FSHR: variants seen among roughly 807,000 people sequenced by gnomAD.
FSHR encodes the protein follicle stimulating hormone receptor, also known as follicle-stimulating hormone receptor.
FSHR carries 46 observed loss-of-function variants against 52.1 expected under a neutral mutation model. The ratio of observed to expected loss-of-function variants is 0.88; its 90% CI spans 0.70 to 1.13. The LOEUF is 1.13. Ranked by LOEUF, FSHR falls within the 50% of genes most tolerant of loss-of-function variation. The probability of loss-of-function intolerance (pLI) is 0.00; values close to 1 mark genes in which losing one functional copy is unlikely to be tolerated. For missense variants in FSHR, 964 were observed against 834.6 expected, an observed-to-expected ratio of 1.16 and a Z score of -1.91; for synonymous variants, 399 against 309.6, an observed-to-expected ratio of 1.29 and a Z score of -3.03.
In FSHR at chr2:48,962,636, T is replaced by C. The variant is rs1444545938; in HGVS notation, c.*97A>G. The stretch of plus-strand genomic sequence containing the variant: ...GGTATGCCAGGAATATTAAATTAGA[T>C]GAAATGTGTAGAAGCACTGTCAGCT... On this transcript the variant is annotated 3_prime_UTR_variant, in exon 10 of 10. Coordinates refer to ENST00000406846, the MANE Select transcript of FSHR (RefSeq NM_000145.4). 1.6e-6 allele frequency: 2 copies of C among 1,239,766 alleles called. No individual in the cohort carries two copies. Among genetic ancestry groups the C allele is most frequent in the East Asian group, 2.4e-5 (1 of 42,466 alleles). The allele number at this position is 1,239,766 out of a possible 1,614,324, so 76.8% of individuals were successfully genotyped here. A position where few individuals can be genotyped will look rare whatever the true frequency, so the allele number is the denominator to read the frequency against.
chr2:49,140,063 T>C (rs936464209), intron 1 of FSHR, among the ~76,000 whole-genome samples: 4 of 152,116 alleles, frequency 2.6e-5, no homozygotes, highest in African/African-American at 9.7e-5. Flanking sequence ...TAGGGAACTA[T>C]GGATTTGTTA....
intron 4 of FSHR, among the ~76,000 whole-genome samples, 176 bp downstream of exon 4, chr2:49,017,313 G>C (rs1005637230): frequency 6.6e-6 from 1 of 152,106 alleles, no homozygotes; most frequent in African/African-American, 2.4e-5. Flanking sequence ...TATGTTAGTA[G>C]AATTTGCTCA....
intron 2 of FSHR, among the ~76,000 whole-genome samples, chr2:49,041,888 T>C (rs1037519473): frequency 6.6e-6 from 1 of 152,086 alleles, no homozygotes; most frequent in Non-Finnish European, 1.5e-5. Context: ...GGCTCATGCC[T>C]TTTATCTTAG....
chr2:49,055,298 T>C (rs1416188504), intron 2 of FSHR, among the ~76,000 whole-genome samples: 4 of 151,184 alleles, frequency 2.6e-5, no homozygotes, highest in South Asian at 4.2e-4. Context: ...AAAAAATACC[T>C]GAACTTGAAG....
In FSHR at chr2:49,017,568, A is replaced by G; in HGVS notation, c.300-5T>C. 6.2e-7 allele frequency: 1 copy of G among 1,607,316 alleles called. No homozygotes were observed. The highest frequency in any genetic ancestry group is 8.5e-7 in the Non-Finnish European group (1 of 1,174,116). On this transcript the variant is annotated splice_region_variant and splice_polypyrimidine_tract_variant and intron_variant, in intron 3 of 9. Transcript: ENST00000406846. ...TTGTTGGCCTTTTCAATTCTACTGTAAAAGAAGAAAAAACATGCTAGTGAT... is the reference window on the plus strand; with the variant it reads ...TTGTTGGCCTTTTCAATTCTACTGTGAAAGAAGAAAAAACATGCTAGTGAT...
intron 2 of FSHR, among the ~76,000 whole-genome samples, chr2:49,023,803 G>A (rs1254876605): frequency 6.6e-6 from 1 of 152,156 alleles, no homozygotes; most frequent in Non-Finnish European, 1.5e-5. Flanking sequence ...CTGTACATGA[G>A]ATTCCATGTT....
At chr2:49,084,133 G>A (rs962720430) in intron 1 of FSHR, among the ~76,000 whole-genome samples, 9 of 152,056 alleles carry the variant, frequency 5.9e-5, no homozygotes, top group African/African-American at 1.7e-4. Context: ...AACAGAAATT[G>A]TAACAAACTA....
In FSHR at chr2:48,975,043, C is replaced by CT. The variant is rs1674925177; in HGVS notation, c.669-6161_669-6160insA. On this transcript the variant is annotated intron_variant, in intron 8 of 9. Coordinates refer to ENST00000406846, the MANE Select transcript of FSHR (RefSeq NM_000145.4). ...AGTTATTCACATCTTCATGGGAGTA[C>CT]ATTATTGTGACCACGATAGTTAATT... Among the ~76,000 whole-genome samples the CT allele has an allele frequency of 2.6e-5, 4 of 152,168 alleles. No homozygotes were observed. The East Asian group carries it at 7.7e-4, about 29-fold the overall frequency.
Position 48,978,149 on chromosome 2 carries a change from G to C in FSHR, c.668+4763C>G, listed in dbSNP as rs967394656. Among the ~76,000 whole-genome samples, 7 of 152,172 alleles carry C rather than the reference G, an allele frequency of 4.6e-5. No individual in the cohort carries two copies. In the East Asian group the frequency reaches 1.3e-3, roughly 29 times the overall value. On this transcript the variant is annotated intron_variant, in intron 8 of 9. Coordinates refer to ENST00000406846, the MANE Select transcript of FSHR (RefSeq NM_000145.4). ...CAGAGTAGCAAGAGAGACTGCATGG[G>C]TAGGAGGGTAGTAAGAGGCTGAGGC...
In FSHR at chr2:49,084,232, C is replaced by T. The variant is rs184524490; in HGVS notation, c.153-15942G>A. ...AACTACATGGAAACTGAACAACCTG[C>T]CCCTGAATGACTACTGGGTACATAA... On this transcript the variant is annotated intron_variant, in intron 1 of 9. Transcript: ENST00000406846. Among the ~76,000 whole-genome samples, 275 of 141,582 alleles carry T rather than the reference C, an allele frequency of 1.9e-3. 1 individual carries two copies. Among genetic ancestry groups the T allele is most frequent in the Middle Eastern group, 0.01 (3 of 286 alleles). The allele number at this position is 141,582 out of a possible 152,430, so 92.9% of individuals were successfully genotyped here.
chr2:48,974,949 A>G (rs1674919715), intron 8 of FSHR, among the ~76,000 whole-genome samples: 1 of 152,142 alleles, frequency 6.6e-6, no homozygotes, highest in South Asian at 2.1e-4. Flanking sequence ...CCTTTATGAA[A>G]ACACTCTCCA....
intron 4 of FSHR, among the ~76,000 whole-genome samples, chr2:48,992,967 G>A (rs1240360772): frequency 6.6e-6 from 1 of 152,010 alleles, no homozygotes; most frequent in African/African-American, 2.4e-5. Flanking sequence ...CACTTTATTA[G>A]GCCTCTCTGG....
rs531007837 is a variant in FSHR, at chr2:49,124,073, C to A, written c.152+30193G>T. On this transcript the variant is annotated intron_variant, in intron 1 of 9. Coordinates refer to ENST00000406846, the MANE Select transcript of FSHR (RefSeq NM_000145.4). The stretch of plus-strand genomic sequence containing the variant: ...GATCTCGGCTCACTGCATCCTCCAC[C>A]TCCTGCACCTCCCGGGTTTAGGCAA... Among the ~76,000 whole-genome samples, 11 of 151,948 alleles carry A rather than the reference C, an allele frequency of 7.2e-5. No individual in the cohort carries two copies. In the East Asian group the frequency reaches 1.9e-3, roughly 27 times the overall value.
intron 2 of FSHR, among the ~76,000 whole-genome samples, chr2:49,062,705 T>A (rs960006072): frequency 6.6e-6 from 1 of 151,878 alleles, no homozygotes; most frequent in African/African-American, 2.4e-5. Context: ...TTCAAACAAC[T>A]CAACAGCAAA....
chr2:49,041,206 A>C (rs1668468948), intron 2 of FSHR, among the ~76,000 whole-genome samples: 1 of 152,182 alleles, frequency 6.6e-6, no homozygotes, highest in Admixed American at 6.5e-5. Flanking sequence ...GATTTTTTTC[A>C]TACAGCGCAT....
chr2:49,078,018 C>A, intron 1 of FSHR, among the ~76,000 whole-genome samples: 1 of 152,232 alleles, frequency 6.6e-6, no homozygotes, highest in East Asian at 1.9e-4. Context: ...TACCCAGTTC[C>A]AAAGTCACTT....
intron 2 of FSHR, among the ~76,000 whole-genome samples, chr2:49,034,271 G>A (rs1465831427): frequency 6.6e-6 from 1 of 152,230 alleles, no homozygotes; most frequent in Non-Finnish European, 1.5e-5. Context: ...TAGAGCTCAT[G>A]AAAGCTGGTG....
At chr2:49,062,228 A>T (rs1558418708) in intron 2 of FSHR, among the ~76,000 whole-genome samples, 2 of 152,114 alleles carry the variant, frequency 1.3e-5, no homozygotes, top group African/African-American at 2.4e-5. Context: ...AAACCAAACC[A>T]TATGCAGGTG....
At chr2:49,017,665 C>T in intron 3 of FSHR, 102 bp from the exon 4 acceptor site, 1 of 817,182 alleles carries the variant, frequency 1.2e-6, no homozygotes, top group Non-Finnish European at 2.1e-6. Context: ...ATCCCATCCA[C>T]TCATCCACCC....
Sources: gnomAD v4.1 joint callset for allele counts (sites outside exome capture counted in the v4.1 genomes callset) on GRCh38, gnomAD v4.1.1 for gene constraint, MANE v1.5 for transcripts, NCBI Gene and HGNC (gene_info 2026-07-23, HGNC 2026-07-21) for gene names.